The following SNX17 variants were observed in gnomAD, a reference collection of about 807,000 sequenced individuals.
SNX17 encodes the protein sorting nexin-17.
Under a neutral mutation model 64.3 loss-of-function variants are expected in SNX17, and 35 were observed. That is an observed-to-expected ratio of 0.54 (90% CI 0.42 to 0.72). The LOEUF (loss-of-function observed/expected upper bound fraction) is 0.72, where lower values mean the gene tolerates loss of function less well. Ranked by LOEUF, SNX17 falls within the 30% of genes least tolerant of loss-of-function variation. The pLI is 0.00. For missense variants in SNX17, 538 were observed against 610.0 expected, an observed-to-expected ratio of 0.88 and a Z score of 1.24; for synonymous variants, 259 against 230.2, an observed-to-expected ratio of 1.13 and a Z score of -1.13.
In SNX17 at chr2:27,375,875, C is replaced by G; in HGVS notation, c.1008C>G (p.Ser336Arg). ...SVPLPSGSTS[S>R]PGRGRGEVRL... ...CATTGCCCAGTGGAAGCACGAGCAGCCCAGGCCGGGGCCGGGGTGAGGTGC... is the reference window on the plus strand; with the variant it reads ...CATTGCCCAGTGGAAGCACGAGCAGGCCAGGCCGGGGCCGGGGTGAGGTGC... The change falls in exon 11 of 15, where the codon AGC becomes AGG. Residue 336 changes from serine to arginine, a missense_variant. By Grantham distance (110) the Ser-to-Arg change is moderately radical. This residue lies in a region of SNX17 where 505 missense variants were observed against 550.4 expected (regional missense o/e 0.92). Coordinates refer to ENST00000233575, the MANE Select transcript of SNX17 (RefSeq NM_014748.4). This position sits in a 1 kb window ranked among gnomAD's most constrained non-coding sequence, Gnocchi z 4.1. 2 of 1,614,020 alleles carry G rather than the reference C, an allele frequency of 1.2e-6. No individual in the cohort carries two copies. Among genetic ancestry groups the G allele is most frequent in the Non-Finnish European group, 1.7e-6 (2 of 1,179,984 alleles).
Position 27,375,043 on chromosome 2 carries a change from C to A in SNX17, c.682-18C>A, listed in dbSNP as rs760977171. The A allele has an allele frequency of 6.2e-7, 1 of 1,610,398 alleles. No individual in the cohort carries two copies. Among genetic ancestry groups the A allele is most frequent in the South Asian group, 1.1e-5 (1 of 90,998 alleles). Reference sequence around the variant, plus strand: ...CTGACTGGGACCTCCTACTGCCTGCCCCTTGTCTCTACTATAGACGGTATC... The same window carrying A: ...CTGACTGGGACCTCCTACTGCCTGCACCTTGTCTCTACTATAGACGGTATC... On this transcript the variant is annotated intron_variant, in intron 8 of 14. Coordinates refer to ENST00000233575, the MANE Select transcript of SNX17 (RefSeq NM_014748.4). This position sits in a 1 kb window ranked among gnomAD's most constrained non-coding sequence, Gnocchi z 4.1.
In SNX17 at chr2:27,370,671, A is replaced by G. The variant is rs1682374096; in HGVS notation, c.-73A>G. On this transcript the variant is annotated 5_prime_UTR_variant, in exon 1 of 15. Coordinates refer to ENST00000233575, the MANE Select transcript of SNX17 (RefSeq NM_014748.4). ...GTGAGGCTGCGGGGACTCGCTGAGC[A>G]GCGGAGGGGGAGCGTGCAGAGCCGC... 2.7e-6 allele frequency: 4 copies of G among 1,483,082 alleles called. No individual in the cohort carries two copies. Among genetic ancestry groups the G allele is most frequent in the African/African-American group, 1.4e-5 (1 of 70,908 alleles). 91.9% of individuals were successfully genotyped at this position (1,483,082 alleles called of 1,614,324 possible). A position where few individuals can be genotyped will look rare whatever the true frequency, so the allele number is the denominator to read the frequency against.
At position 27,376,562 on chromosome 2, in the gene SNX17, C is replaced by T. The variant is rs768661387; in HGVS notation, c.1299+42C>T. The T allele has an allele frequency of 1.9e-6, 3 of 1,614,014 alleles. No homozygotes were observed. In the African/African-American group the frequency reaches 4.0e-5, roughly 22 times the overall value. On this transcript the variant is annotated intron_variant, in intron 14 of 14. Transcript: ENST00000233575. ...GTGAGGTTGCTGTTTGTTGGGGGATCTTGCACGCCCAAGATCTCTGACCCC... is the reference window on the plus strand; with the variant it reads ...GTGAGGTTGCTGTTTGTTGGGGGATTTTGCACGCCCAAGATCTCTGACCCC...
chr2:27,376,418 C>G, intron 13 of SNX17, 31 bp downstream of exon 13: 4 of 1,614,016 alleles, frequency 2.5e-6, no homozygotes, highest in Non-Finnish European at 3.4e-6. Flanking sequence ...AGAACCCTGG[C>G]TCTCAGCCCT....
intron 7 of SNX17, 78 bp downstream of exon 7, chr2:27,374,511 A>G (rs1682968406): frequency 2.8e-6 from 4 of 1,408,008 alleles, no homozygotes; most frequent in African/African-American, 1.4e-5. Context: ...TTGAGACAGA[A>G]TAATCTGGAC....
intron 2 of SNX17, 111 bp from the exon 3 acceptor site, chr2:27,372,512 C>G: frequency 6.7e-7 from 1 of 1,489,698 alleles, no homozygotes; most frequent in African/African-American, 1.4e-5. Flanking sequence ...GACAGGGGAA[C>G]AGGGACTGAG....
At chr2:27,371,994 C>T (rs1181152104) in intron 2 of SNX17, among the ~76,000 whole-genome samples, 6 of 152,188 alleles carry the variant, frequency 3.9e-5, no homozygotes, top group African/African-American at 1.4e-4. Context: ...AAGCGATTCT[C>T]CTTCCTCAGC....
In SNX17 at chr2:27,373,413, A is replaced by G. The variant is rs904169593; in HGVS notation, c.321+102A>G. On this transcript the variant is annotated intron_variant, in intron 4 of 14. Coordinates refer to ENST00000233575, the MANE Select transcript of SNX17 (RefSeq NM_014748.4). Reference sequence around the variant, plus strand: ...AGTCTTGCTCTTTTGCACAGGCTGGAGTGCAGTGGTGCGATCTCAGCTCAC... The same window carrying G: ...AGTCTTGCTCTTTTGCACAGGCTGGGGTGCAGTGGTGCGATCTCAGCTCAC... 6.5e-5 allele frequency: 78 copies of G among 1,200,786 alleles called. No homozygotes were observed. In the African/African-American group the frequency reaches 9.0e-4, roughly 14 times the overall value. The allele number at this position is 1,200,786 out of a possible 1,614,324, so 74.4% of individuals were successfully genotyped here. A position where few individuals can be genotyped will look rare whatever the true frequency, so the allele number is the denominator to read the frequency against.
chr2:27,376,576 ATC>A (rs776809071), intron 14 of SNX17, 28 bp from the exon 15 acceptor site: 27 of 1,614,114 alleles, frequency 1.7e-5, no homozygotes, highest in Non-Finnish European at 2.3e-5. Flanking sequence ...CACGCCCAAG[ATC>A]TCTGACCCCA....
In SNX17 at chr2:27,373,431, C is replaced by G. The variant is rs947385409; in HGVS notation, c.321+120C>G. 4.2e-6 allele frequency: 4 copies of G among 960,758 alleles called. No individual in the cohort carries two copies. The African/African-American group carries it at 6.6e-5, about 16-fold the overall frequency. The allele number at this position is 960,758 out of a possible 1,614,324, so 59.5% of individuals were successfully genotyped here. A position where few individuals can be genotyped will look rare whatever the true frequency, so the allele number is the denominator to read the frequency against. The stretch of plus-strand genomic sequence containing the variant: ...AGGCTGGAGTGCAGTGGTGCGATCT[C>G]AGCTCACTGCAATCTCCGCCTCCCG... On this transcript the variant is annotated intron_variant, in intron 4 of 14. Transcript: ENST00000233575.
chr2:27,374,149 G>A lies in SNX17; in HGVS notation c.497G>A (p.Arg166Gln), dbSNP rs991680785. The change falls in exon 6 of 15, where the codon CGA (arginine) becomes CAA (glutamine). Residue 166 changes from arginine (R) to glutamine (Q), a missense_variant. Physicochemically the swap from Arg to Gln is conservative, Grantham distance 43. Coordinates refer to ENST00000233575, the MANE Select transcript of SNX17 (RefSeq NM_014748.4). ...LIGYFSLFLV[R>Q]EKEDGAFSFV... ...GGATACTTTAGTCTATTCTTAGTTC[G>A]AGAAAAAGAGGATGGAGCCTTTTCT... 5.0e-6 allele frequency: 8 copies of A among 1,613,852 alleles called. No individual in the cohort carries two copies. The highest frequency in any genetic ancestry group is 1.6e-4 in the Middle Eastern group (1 of 6,082).
Position 27,376,886 on chromosome 2 carries a change from G to T in SNX17, c.*167G>T, listed in dbSNP as rs1804083. 2 of 621,880 alleles carry T rather than the reference G, an allele frequency of 3.2e-6. No individual in the cohort carries two copies. Among genetic ancestry groups the T allele is most frequent in the Non-Finnish European group, 5.7e-6 (2 of 353,936 alleles). The allele number at this position is 621,880 out of a possible 1,614,324, so 38.5% of individuals were successfully genotyped here. A position where few individuals can be genotyped will look rare whatever the true frequency, so the allele number is the denominator to read the frequency against. On this transcript the variant is annotated 3_prime_UTR_variant, in exon 15 of 15. Transcript: ENST00000233575. Reference sequence around the variant, plus strand: ...GTATCCTACCTTTCCTTGTCCCCTGGGCTGGCTGCACAGAGGATTGCCCCT... The same window carrying T: ...GTATCCTACCTTTCCTTGTCCCCTGTGCTGGCTGCACAGAGGATTGCCCCT...
intron 3 of SNX17, chr2:27,372,989 C>T: frequency 1.3e-6 from 2 of 1,489,122 alleles, no homozygotes; most frequent in Non-Finnish European, 1.8e-6. Context: ...GTGGAGAGAA[C>T]TTAATTTGTA....
rs1683093559 is a variant in SNX17, at chr2:27,375,419, T to C, written c.775-87T>C. On this transcript the variant is annotated intron_variant, in intron 9 of 14. Transcript: ENST00000233575. This position sits in a 1 kb window ranked among gnomAD's most constrained non-coding sequence, Gnocchi z 4.1. Reference sequence around the variant, plus strand: ...TCCTAAAGTGCTGGGATTATAGGCATGAGCCACCGCGCCCGACCGGGGTTG... The same window carrying C: ...TCCTAAAGTGCTGGGATTATAGGCACGAGCCACCGCGCCCGACCGGGGTTG... The C allele has an allele frequency of 7.0e-7, 1 of 1,419,420 alleles. No individual in the cohort carries two copies. Among genetic ancestry groups the C allele is most frequent in the Admixed American group, 1.7e-5 (1 of 58,358 alleles). The allele number at this position is 1,419,420 out of a possible 1,614,324, so 87.9% of individuals were successfully genotyped here.
Position 27,376,367 on chromosome 2 carries a change from G to T in SNX17, c.1237G>T (p.Val413Leu). The T allele has an allele frequency of 6.2e-7, 1 of 1,613,602 alleles. No individual in the cohort carries two copies. Among genetic ancestry groups the T allele is most frequent in the Middle Eastern group, 1.7e-4 (1 of 6,060 alleles). ...GAGACGCTCAGACAGCCAGCAAGCAGTGAAGTCCCCACCACTGCTTGTAAG... is the reference window on the plus strand; with the variant it reads ...GAGACGCTCAGACAGCCAGCAAGCATTGAAGTCCCCACCACTGCTTGTAAG... The part of the protein sequence containing the change: ...TLRRSDSQQA[V>L]KSPPLLESPD... The change falls in exon 13 of 15, where the codon GTG becomes TTG. Residue 413 changes from valine to leucine, a missense_variant. Val to Leu is a conservative substitution (Grantham distance 32, BLOSUM62 1). Transcript: ENST00000233575.
At chr2:27,370,918 G>A (rs1558298959) in intron 1 of SNX17, 112 bp downstream of exon 1, 3 of 1,218,818 alleles carry the variant, frequency 2.5e-6, no homozygotes, top group Admixed American at 5.4e-5. Context: ...CTGGTCCTGG[G>A]CCGCCGACTC....
At chr2:27,371,537 A>G (rs1038463623) in intron 2 of SNX17, 194 bp downstream of exon 2, 13 of 1,172,338 alleles carry the variant, frequency 1.1e-5, no homozygotes, top group Admixed American at 3.6e-5. Context: ...CCGCGCAACA[A>G]CTGCTCCTTC....
At chr2:27,372,524 G>A in intron 2 of SNX17, 99 bp from the exon 3 acceptor site, 1 of 1,563,014 alleles carries the variant, frequency 6.4e-7, no homozygotes, top group Non-Finnish European at 8.8e-7. Flanking sequence ...GGGACTGAGG[G>A]AAGGGAGGGG....
chr2:27,374,605 C>T, intron 7 of SNX17, 84 bp from the exon 8 acceptor site: 1 of 1,408,090 alleles, frequency 7.1e-7, no homozygotes. Context: ...TTCCAGATTG[C>T]TCCTGTTTTG....
Sources: gnomAD v4.1 joint callset for allele counts (sites outside exome capture counted in the v4.1 genomes callset) on GRCh38, gnomAD v4.1.1 for gene constraint, gnomAD v4.1.1 regional missense constraint, Gnocchi (gnomAD v3.1) non-coding constraint, MANE v1.5 for transcripts, NCBI Gene and HGNC (gene_info 2026-07-23, HGNC 2026-07-21) for gene names.